Variants in IL15 observed in about 807,000 individuals in gnomAD.
The protein encoded by IL15 is interleukin 15, also known as interleukin-15.
Under a neutral mutation model 19.6 loss-of-function variants are expected in IL15, and 11 were observed. The observed-to-expected ratio is 0.56, with a 90% CI of 0.35 to 0.93. The LOEUF is 0.93. IL15 is among the 40% of genes least tolerant of loss of function. IL15 has a pLI of 0.01. For synonymous variants in IL15, 58 were observed against 59.6 expected (o/e 0.97, Z 0.12); for missense variants, 197 against 186.5 (o/e 1.06, Z -0.33).
chr4:141,645,537 C>T (rs926344272), intron 1 of IL15, among the ~76,000 whole-genome samples: 1 of 152,142 alleles, frequency 6.6e-6, no homozygotes, highest in Admixed American at 6.5e-5. Flanking sequence ...CATTTCTAGC[C>T]TTCACTAACA....
At chr4:141,647,654 C>G (rs1388248123) in intron 1 of IL15, among the ~76,000 whole-genome samples, 1 of 152,036 alleles carries the variant, frequency 6.6e-6, no homozygotes, top group East Asian at 1.9e-4. Flanking sequence ...TTTTACACCT[C>G]CTAGACCTTG....
intron 2 of IL15, among the ~76,000 whole-genome samples, chr4:141,689,333 G>A (rs1471360546): frequency 1.3e-5 from 2 of 152,194 alleles, no homozygotes; most frequent in Non-Finnish European, 2.9e-5. Context: ...GAGCTGAGTG[G>A]TCTGTTTTGA....
chr4:141,642,366 G>A (rs531408415), intron 1 of IL15, among the ~76,000 whole-genome samples: 115 of 152,300 alleles, frequency 7.6e-4, no homozygotes, highest in Middle Eastern at 3.4e-3. Context: ...CTTTAGAACC[G>A]TCTATGTCCA....
At position 141,655,942 on chromosome 4, in the gene IL15, T is replaced by C. The variant is rs140470746; in HGVS notation, c.-221-244T>C. On this transcript the variant is annotated intron_variant, in intron 1 of 7. Transcript: ENST00000320650. ...ATAGGTTTTAAAAAATGATATATGA[T>C]TTTTTTCTCCAAAATGATGTAGCTT... Among the ~76,000 whole-genome samples, 16 of 152,270 alleles carry C rather than the reference T, an allele frequency of 1.1e-4. No homozygotes were observed. In the East Asian group the frequency reaches 3.1e-3, roughly 29 times the overall value.
chr4:141,662,310 G>A (rs370831667), intron 2 of IL15, among the ~76,000 whole-genome samples: 4 of 152,124 alleles, frequency 2.6e-5, no homozygotes, highest in Admixed American at 6.5e-5. Context: ...TAAATTACCC[G>A]CAATGACGGT....
intron 2 of IL15, among the ~76,000 whole-genome samples, chr4:141,673,245 T>C (rs1728233283): frequency 6.6e-6 from 1 of 152,248 alleles, no homozygotes; most frequent in African/African-American, 2.4e-5. Flanking sequence ...TCAGGACTCA[T>C]AATTGTTTGG....
intron 2 of IL15, among the ~76,000 whole-genome samples, chr4:141,699,715 C>G (rs1242165533): frequency 1.3e-5 from 2 of 151,992 alleles, no homozygotes; most frequent in African/African-American, 2.4e-5. Flanking sequence ...TTATTTGAGT[C>G]CTTATGTGTT....
At chr4:141,658,014 A>T (rs535513065) in intron 2 of IL15, among the ~76,000 whole-genome samples, 74 of 152,320 alleles carry the variant, frequency 4.9e-4, no homozygotes, top group Middle Eastern at 3.4e-3. Context: ...TGAACAATGC[A>T]CTGTGTTACG....
intron 1 of IL15, chr4:141,637,253 T>TC: frequency 6.6e-6 from 1 of 152,382 alleles, no homozygotes; most frequent in East Asian, 1.9e-4. Flanking sequence ...TCCTAACTGC[T>TC]CCCGTCCCAA....
intron 1 of IL15, among the ~76,000 whole-genome samples, chr4:141,639,883 G>A (rs1266288107): frequency 6.6e-6 from 1 of 152,196 alleles, no homozygotes; most frequent in Non-Finnish European, 1.5e-5. Flanking sequence ...TGTTATTTTA[G>A]TGAGTACTGG....
chr4:141,640,189 G>A (rs1726996197), intron 1 of IL15, among the ~76,000 whole-genome samples: 1 of 152,020 alleles, frequency 6.6e-6, no homozygotes, highest in Admixed American at 6.6e-5. Context: ...GGAACCTAAT[G>A]TGAATTTGAA....
chr4:141,679,053 C>T (rs1229400081), intron 2 of IL15, among the ~76,000 whole-genome samples: 1 of 152,070 alleles, frequency 6.6e-6, no homozygotes, highest in East Asian at 1.9e-4. Flanking sequence ...TCTTCTTTTT[C>T]CTCATGACTC....
At chr4:141,652,765 A>C (rs1044375617) in intron 1 of IL15, among the ~76,000 whole-genome samples, 8 of 152,150 alleles carry the variant, frequency 5.3e-5, no homozygotes, top group Admixed American at 6.5e-5. Flanking sequence ...GTGCTTAGTA[A>C]AAGATTAGCT....
chr4:141,637,046 T>TA (rs968162661), intron 1 of IL15: 1 of 152,278 alleles, frequency 6.6e-6, no homozygotes, highest in South Asian at 2.1e-4. Context: ...GCTGCGCTCT[T>TA]ACGGCGTTCC....
intron 7 of IL15, among the ~76,000 whole-genome samples, chr4:141,730,276 C>T (rs770882799): frequency 2.0e-5 from 3 of 152,128 alleles, no homozygotes; most frequent in Non-Finnish European, 4.4e-5. Context: ...TGTTTATTGT[C>T]AGGTGCAGTG....
At chr4:141,641,843 A>T (rs539832894) in intron 1 of IL15, among the ~76,000 whole-genome samples, 326 of 143,448 alleles carry the variant, frequency 2.3e-3, no homozygotes, top group African/African-American at 7.8e-3. Context: ...AGTATAATTT[A>T]AAAAAAAAAA....
intron 2 of IL15, among the ~76,000 whole-genome samples, chr4:141,664,342 AACACACACACACACACACACACAC>A (rs35153516): frequency 7.6e-6 from 1 of 130,950 alleles, no homozygotes; most frequent in Admixed American, 7.9e-5. Flanking sequence ...TGGTGGGCAA[AACACACACACACACACACACACAC>A]ACACACACAC....
At chr4:141,639,766 C>G (rs1252195798) in intron 1 of IL15, among the ~76,000 whole-genome samples, 1 of 152,190 alleles carries the variant, frequency 6.6e-6, no homozygotes, top group Non-Finnish European at 1.5e-5. Flanking sequence ...CCGTTGATTA[C>G]AGTAACTGCA....
intron 2 of IL15, among the ~76,000 whole-genome samples, chr4:141,664,030 A>T (rs953663178): frequency 2.2e-4 from 33 of 152,308 alleles, no homozygotes; most frequent in Middle Eastern, 6.8e-3. Context: ...TTTTGTAATG[A>T]ATAACAAAAC....
Sources: gnomAD v4.1 joint callset for allele counts (sites outside exome capture counted in the v4.1 genomes callset) on GRCh38, gnomAD v4.1.1 for gene constraint, MANE v1.5 for transcripts, NCBI Gene and HGNC (gene_info 2026-07-23, HGNC 2026-07-21) for gene names.